The following CCDC6 variants were observed in gnomAD, a reference collection of about 807,000 sequenced individuals.
CCDC6 encodes coiled-coil domain containing 6.
A neutral mutation model predicts 56.6 loss-of-function variants in CCDC6; 20 were observed. The ratio of observed to expected loss-of-function variants is 0.35; its 90% CI spans 0.25 to 0.51. CCDC6 has a LOEUF of 0.51. Among genes scored for constraint, CCDC6 ranks in the 20% least tolerant of loss-of-function variants. CCDC6 has a pLI of 0.95. For missense variants in CCDC6, 367 were observed against 601.1 expected, an observed-to-expected ratio of 0.61 and a Z score of 4.07; for synonymous variants, 241 against 234.4, an observed-to-expected ratio of 1.03 and a Z score of -0.26.
chr10:59,793,478 C>T (rs55958518), intron 8 of CCDC6, among the ~76,000 whole-genome samples: 29,494 of 152,148 alleles, frequency 0.19, 3,178 homozygotes, highest in African/African-American at 0.28. Context: ...AGATACAGCT[C>T]AACAGAAATG....
chr10:59,836,346 G>A (rs762428804), intron 2 of CCDC6, among the ~76,000 whole-genome samples: 11 of 152,216 alleles, frequency 7.2e-5, no homozygotes, highest in Non-Finnish European at 1.3e-4. Context: ...TGGCACCACA[G>A]ACGTAAAAAC....
chr10:59,811,031 A>G (rs1309155902), intron 5 of CCDC6, among the ~76,000 whole-genome samples: 2 of 152,294 alleles, frequency 1.3e-5, no homozygotes, highest in South Asian at 2.1e-4. Context: ...GGCAGCCTCT[A>G]GAGCTGGAAA....
intron 7 of CCDC6, among the ~76,000 whole-genome samples, chr10:59,802,193 T>C (rs2070582113): frequency 6.6e-6 from 1 of 152,220 alleles, no homozygotes; most frequent in South Asian, 2.1e-4. Context: ...ATAATAAAGA[T>C]GATGCTCTTT....
chr10:59,869,585 T>C (rs1322280892), intron 1 of CCDC6, among the ~76,000 whole-genome samples: 2 of 152,070 alleles, frequency 1.3e-5, no homozygotes, highest in Non-Finnish European at 2.9e-5. Flanking sequence ...GGCCTTCTCA[T>C]TGCCTTTGCT....
chr10:59,798,314 C>T (rs17200044), intron 7 of CCDC6, among the ~76,000 whole-genome samples: 2,650 of 152,368 alleles, frequency 0.017, 32 homozygotes, highest in Non-Finnish European at 0.027. Flanking sequence ...TAAGTATGCT[C>T]TTCCATCTGT....
intron 1 of CCDC6, among the ~76,000 whole-genome samples, chr10:59,853,615 GA>G (rs11367635): frequency 0.24 from 35,683 of 150,486 alleles, 5,206 homozygotes; most frequent in African/African-American, 0.42. Flanking sequence ...ATAATTACTA[GA>G]AAAAAAAAAT....
intron 7 of CCDC6, among the ~76,000 whole-genome samples, chr10:59,803,277 C>T (rs939660276): frequency 5.9e-5 from 9 of 151,996 alleles, no homozygotes; most frequent in Non-Finnish European, 1.3e-4. Context: ...ACAAAGGCGG[C>T]CACCCTTTGT....
intron 1 of CCDC6, among the ~76,000 whole-genome samples, chr10:59,856,157 C>T (rs139614916): frequency 2.2e-4 from 33 of 152,186 alleles, no homozygotes; most frequent in African/African-American, 7.2e-4. Context: ...GTTCTTAGAT[C>T]TAATTGGGGG....
At chr10:59,886,899 C>G (rs1265760378) in intron 1 of CCDC6, among the ~76,000 whole-genome samples, 1 of 152,118 alleles carries the variant, frequency 6.6e-6, no homozygotes, top group Non-Finnish European at 1.5e-5. Flanking sequence ...CTTATCCACC[C>G]CCTTGAGAGA....
At chr10:59,843,902 A>G (rs1164830933) in intron 2 of CCDC6, among the ~76,000 whole-genome samples, 1 of 152,194 alleles carries the variant, frequency 6.6e-6, no homozygotes, top group South Asian at 2.1e-4. Flanking sequence ...GACCAAAAGC[A>G]ATCAACTGAC....
chr10:59,854,988 C>T (rs2071070122), intron 1 of CCDC6, among the ~76,000 whole-genome samples: 2 of 152,200 alleles, frequency 1.3e-5, no homozygotes. Flanking sequence ...GACTCAACTT[C>T]TTGCACATTA....
At chr10:59,804,069 G>A (rs2070598916) in intron 7 of CCDC6, among the ~76,000 whole-genome samples, 2 of 152,144 alleles carry the variant, frequency 1.3e-5, no homozygotes, top group Admixed American at 6.5e-5. Context: ...CATAAAAGGT[G>A]TGCTATGATG....
chr10:59,902,576 T>C (rs1482792391), intron 1 of CCDC6, among the ~76,000 whole-genome samples: 8 of 151,818 alleles, frequency 5.3e-5, no homozygotes, highest in African/African-American at 1.5e-4. Context: ...CTGTATTTTT[T>C]TCAGTAGAGA....
chr10:59,872,981 G>A (rs1370839675), intron 1 of CCDC6, among the ~76,000 whole-genome samples: 3 of 152,160 alleles, frequency 2.0e-5, no homozygotes, highest in African/African-American at 4.8e-5. Flanking sequence ...AAACAACTGC[G>A]TTCACTTGGT....
chr10:59,859,305 T>C (rs1424513871), intron 1 of CCDC6, among the ~76,000 whole-genome samples: 1 of 151,648 alleles, frequency 6.6e-6, no homozygotes, highest in African/African-American at 2.4e-5. Flanking sequence ...CCACTATAAA[T>C]AAGTTATAGC....
intron 1 of CCDC6, among the ~76,000 whole-genome samples, chr10:59,856,770 T>C (rs2071083547): frequency 6.6e-6 from 1 of 152,186 alleles, no homozygotes; most frequent in African/African-American, 2.4e-5. Context: ...CTTGCAAGTC[T>C]CAGCATATCT....
chr10:59,882,809 A>T (rs370958160), intron 1 of CCDC6, among the ~76,000 whole-genome samples: 1 of 152,072 alleles, frequency 6.6e-6, no homozygotes. Context: ...AAACACAAAA[A>T]ATTAGCCGGG....
intron 8 of CCDC6, 100 bp downstream of exon 8, chr10:59,794,373 A>C (rs1430277621): frequency 5.0e-6 from 6 of 1,191,692 alleles, no homozygotes; most frequent in South Asian, 1.5e-5. Context: ...GGAGGCAGGA[A>C]GAAGGGCAAA....
At chr10:59,878,576 T>C (rs544265442) in intron 1 of CCDC6, among the ~76,000 whole-genome samples, 1 of 152,324 alleles carries the variant, frequency 6.6e-6, no homozygotes, top group East Asian at 1.9e-4. Context: ...GAAGGTTCAA[T>C]GCCCTGTTAG....
Sources: gnomAD v4.1 joint callset for allele counts (sites outside exome capture counted in the v4.1 genomes callset) on GRCh38, gnomAD v4.1.1 for gene constraint, MANE v1.5 for transcripts, NCBI Gene and HGNC (gene_info 2026-07-23, HGNC 2026-07-21) for gene names.